The following PANK1 variants were observed in gnomAD, a reference collection of about 807,000 sequenced individuals.
PANK1 encodes pantothenate kinase 1.
PANK1 carries 18 observed loss-of-function variants against 40.1 expected under a neutral mutation model. The observed-to-expected ratio is 0.45, with a 90% confidence interval of 0.31 to 0.67. The LOEUF is 0.67. PANK1 is among the 30% of genes least tolerant of loss of function. The probability of loss-of-function intolerance (pLI) is 0.06; values close to 1 mark genes in which losing one functional copy is unlikely to be tolerated. For missense variants in PANK1, 457 were observed against 599.6 expected, an observed-to-expected ratio of 0.76 and a Z score of 2.48; for synonymous variants, 242 against 237.7, an observed-to-expected ratio of 1.02 and a Z score of -0.17.
downstream of PANK1, chr10:89,581,201 T>C (rs1235240203): frequency 6.6e-6 from 1 of 152,202 alleles, no homozygotes; most frequent in East Asian, 1.9e-4. Flanking sequence ...ATCCTATGCA[T>C]CTTAGTCTCC....
At chr10:89,589,706 C>G (rs553803022) in intron 5 of PANK1, among the ~76,000 whole-genome samples, 1 of 151,838 alleles carries the variant, frequency 6.6e-6, no homozygotes, top group African/African-American at 2.4e-5. Context: ...GTTCATTAAC[C>G]CATTAGCCAC....
At chr10:89,612,082 C>T (rs766956968) in intron 1 of PANK1, 34 bp from the exon 2 acceptor site, 4 of 1,554,826 alleles carry the variant, frequency 2.6e-6, no homozygotes, top group East Asian at 4.5e-5. Flanking sequence ...CTGCTGAATG[C>T]TATGCGTGCA....
chr10:89,580,276 C>T (rs761111584), downstream of PANK1: 2 of 152,214 alleles, frequency 1.3e-5, no homozygotes, highest in African/African-American at 2.4e-5. Context: ...TTCAAAAGTA[C>T]GTAACTTGTT....
chr10:89,633,993 A>G (rs964342062), intron 1 of PANK1, among the ~76,000 whole-genome samples: 1 of 152,158 alleles, frequency 6.6e-6, no homozygotes, highest in Admixed American at 6.5e-5. Flanking sequence ...AACCCAAAAA[A>G]AGAGTCAAGA....
At chr10:89,624,261 G>C (rs922191345) in intron 1 of PANK1, among the ~76,000 whole-genome samples, 12 of 152,088 alleles carry the variant, frequency 7.9e-5, no homozygotes, top group Admixed American at 4.6e-4. Context: ...ACAGTGGCTA[G>C]GACCTGCCAT....
In PANK1 at chr10:89,623,858, G is replaced by T. The variant is rs545099068; in HGVS notation, c.293-11810C>A. Among the ~76,000 whole-genome samples, 10 of 152,270 alleles carry T rather than the reference G, an allele frequency of 6.6e-5. No individual in the cohort carries two copies. The South Asian group carries it at 2.1e-3, about 32-fold the overall frequency. On this transcript the variant is annotated intron_variant, in intron 1 of 6. Transcript: ENST00000307534. ...CTGTTAGACGCTTGATACCACAAGG[G>T]TTCCCTCAGGGTGGGAAGAGGCTGA...
chr10:89,645,134 G>A lies in PANK1; in HGVS notation c.-243C>T. 2 of 1,507,572 alleles carry A rather than the reference G, an allele frequency of 1.3e-6. No individual in the cohort carries two copies. The highest frequency in any genetic ancestry group is 1.8e-6 in the Non-Finnish European group (2 of 1,131,592). The allele number at this position is 1,507,572 out of a possible 1,614,324, so 93.4% of individuals were successfully genotyped here. A position where few individuals can be genotyped will look rare whatever the true frequency, so the allele number is the denominator to read the frequency against. Reference sequence around the variant, plus strand: ...CCGGCCTGGAGCACGCCAGCCCCGGGCGCGGAATCGGGGATCCCCGCGCAC... The same window carrying A: ...CCGGCCTGGAGCACGCCAGCCCCGGACGCGGAATCGGGGATCCCCGCGCAC... On this transcript the variant is annotated 5_prime_UTR_variant, in exon 1 of 7. Transcript: ENST00000307534.
At chr10:89,585,100 C>T (rs928830302) in intron 6 of PANK1, among the ~76,000 whole-genome samples, 19 of 152,148 alleles carry the variant, frequency 1.2e-4, no homozygotes, top group Admixed American at 8.5e-4. Flanking sequence ...ATTTGTTTCT[C>T]ACAGTTCTAG....
chr10:89,644,755 C>T lies in PANK1; in HGVS notation c.137G>A (p.Cys46Tyr). 6.6e-7 allele frequency: 1 copy of T among 1,516,346 alleles called. No homozygotes were observed. The highest frequency in any genetic ancestry group is 1.4e-5 in the African/African-American group (1 of 69,788). 93.9% of individuals were successfully genotyped at this position (1,516,346 alleles called of 1,614,324 possible). ...GCTGCCGCCCACTGGACCCCGGCTG[C>T]AGACGTGCGGCGGCTGGACTGGCGG... ...HPPPVQPPHV[C>Y]SRGPVGGSDA... Residue 46 changes from cysteine to tyrosine, a missense_variant, in exon 1 of 7, where the codon TGC becomes TAC. Transcript: ENST00000307534.
At chr10:89,604,597 G>A (rs994660731) in intron 2 of PANK1, among the ~76,000 whole-genome samples, 1 of 149,848 alleles carries the variant, frequency 6.7e-6, no homozygotes, top group Admixed American at 6.7e-5. Flanking sequence ...GGGAGGCTGG[G>A]GTAGGAGAAT....
intron 1 of PANK1, among the ~76,000 whole-genome samples, chr10:89,625,131 G>T (rs1217651871): frequency 6.6e-6 from 1 of 152,142 alleles, no homozygotes; most frequent in Non-Finnish European, 1.5e-5. Flanking sequence ...TGAACTCCTG[G>T]GCTCAAGAGA....
chr10:89,610,003 G>A (rs1053570084), intron 2 of PANK1, among the ~76,000 whole-genome samples: 3 of 152,194 alleles, frequency 2.0e-5, no homozygotes, highest in African/African-American at 7.2e-5. Flanking sequence ...GACCTGAGGA[G>A]CTCAGAGCAA....
At chr10:89,593,536 A>AGGG (rs1844471916) in intron 4 of PANK1, among the ~76,000 whole-genome samples, 4 of 111,562 alleles carry the variant, frequency 3.6e-5, no homozygotes, top group Non-Finnish European at 8.5e-5. Flanking sequence ...TGGGGGGGGA[A>AGGG]AATTAATGCC....
intron 3 of PANK1, among the ~76,000 whole-genome samples, chr10:89,596,500 G>A (rs1187981463): frequency 6.6e-6 from 1 of 152,216 alleles, no homozygotes; most frequent in African/African-American, 2.4e-5. Flanking sequence ...TGCACAGTGA[G>A]TGCACTGCAG....
At chr10:89,615,623 G>T (rs1311238681) in intron 1 of PANK1, among the ~76,000 whole-genome samples, 1 of 152,102 alleles carries the variant, frequency 6.6e-6, no homozygotes, top group Non-Finnish European at 1.5e-5. Flanking sequence ...AGCTGGTCTC[G>T]AACTCCTGGA....
chr10:89,637,807 T>A (rs58163515), intron 1 of PANK1, among the ~76,000 whole-genome samples: 26,708 of 152,220 alleles, frequency 0.18, 2,812 homozygotes, highest in East Asian at 0.35. Flanking sequence ...TTTCTAATTT[T>A]AAAAATTTTT....
At chr10:89,591,482 C>T (rs1440096036) in intron 5 of PANK1, among the ~76,000 whole-genome samples, 2 of 152,192 alleles carry the variant, frequency 1.3e-5, no homozygotes, top group Non-Finnish European at 2.9e-5. Context: ...TGGTGTCCCT[C>T]AATGAAATGG....
chr10:89,618,007 A>G (rs1487068964), intron 1 of PANK1, among the ~76,000 whole-genome samples: 1 of 152,248 alleles, frequency 6.6e-6, no homozygotes, highest in Non-Finnish European at 1.5e-5. Context: ...ACGCAGGCAT[A>G]TTCTCAGTGT....
rs190489128 is a variant in PANK1, at chr10:89,640,135, T to C, written c.292+4465A>G. On this transcript the variant is annotated intron_variant, in intron 1 of 6. Transcript: ENST00000307534. The stretch of plus-strand genomic sequence containing the variant: ...AGCCTCTCTTTGCCCATCTTTAAAA[T>C]AGAGAGTAGGAGTGGGAACTGCATG... Among the ~76,000 whole-genome samples the C allele has an allele frequency of 1.3e-3, 200 of 152,290 alleles. 1 individual carries two copies. Among genetic ancestry groups the C allele is most frequent in the Non-Finnish European group, 4.1e-4 (28 of 68,022 alleles).
Sources: gnomAD v4.1 joint callset for allele counts (sites outside exome capture counted in the v4.1 genomes callset) on GRCh38, gnomAD v4.1.1 for gene constraint, MANE v1.5 for transcripts, NCBI Gene and HGNC (gene_info 2026-07-23, HGNC 2026-07-21) for gene names.